The following ERC2 variants were observed in gnomAD, a reference collection of about 807,000 sequenced individuals.
ERC2 encodes the protein ERC protein 2.
Under a neutral mutation model 114.8 loss-of-function variants are expected in ERC2, and 42 were observed. The observed-to-expected ratio is 0.37, with a 90% CI of 0.29 to 0.47. The LOEUF (loss-of-function observed/expected upper bound fraction) is 0.47, where lower values mean the gene tolerates loss of function less well. Ranked by LOEUF, ERC2 falls within the 20% of genes least tolerant of loss-of-function variation. ERC2 has a pLI of 0.99. For synonymous variants in ERC2, 454 were observed against 425.5 expected, an observed-to-expected ratio of 1.07 and a Z score of -0.82; for missense variants, 939 against 1,150.7, an observed-to-expected ratio of 0.82 and a Z score of 2.66.
intron 13 of ERC2, among the ~76,000 whole-genome samples, chr3:55,927,852 T>C (rs953615091): frequency 1.1e-4 from 17 of 152,086 alleles, no homozygotes; most frequent in Admixed American, 4.6e-4. Flanking sequence ...AGTGAGAACA[T>C]GAGAAGTTGG....
chr3:55,952,175 ACACACTCTCTCT>A (rs1260373389), intron 12 of ERC2, among the ~76,000 whole-genome samples: 5,675 of 63,086 alleles, frequency 0.09, 454 homozygotes, highest in Admixed American at 0.2. Flanking sequence ...ACACACACAC[ACACACTCTCTCT>A]CTCTCTCTCT....
chr3:56,120,280 G>C (rs762409320), intron 6 of ERC2, among the ~76,000 whole-genome samples: 1 of 152,104 alleles, frequency 6.6e-6, no homozygotes, highest in East Asian at 1.9e-4. Flanking sequence ...GACAGTTCCC[G>C]CTCAGCCAGT....
At chr3:56,429,676 T>C (rs916149646) in intron 2 of ERC2, among the ~76,000 whole-genome samples, 7 of 152,312 alleles carry the variant, frequency 4.6e-5, no homozygotes, top group Non-Finnish European at 7.3e-5. Context: ...TATATTCATG[T>C]AGAGCCGCGT....
At chr3:55,715,149 T>C (rs1373449253) in intron 15 of ERC2, among the ~76,000 whole-genome samples, 1 of 152,172 alleles carries the variant, frequency 6.6e-6, no homozygotes, top group Non-Finnish European at 1.5e-5. Context: ...TTTAGCAAAC[T>C]GCAATGACAG....
At chr3:56,319,110 C>T (rs2057007703) in intron 2 of ERC2, among the ~76,000 whole-genome samples, 1 of 151,912 alleles carries the variant, frequency 6.6e-6, no homozygotes, top group Admixed American at 6.6e-5. Flanking sequence ...TATAGAATCG[C>T]CATATGATCC....
intron 14 of ERC2, among the ~76,000 whole-genome samples, chr3:55,843,059 T>C (rs1165863040): frequency 6.6e-6 from 1 of 152,172 alleles, no homozygotes; most frequent in African/African-American, 2.4e-5. Flanking sequence ...AGCTGGCCTG[T>C]GGTATACAAC....
At chr3:55,847,372 G>A (rs1275408840) in intron 14 of ERC2, among the ~76,000 whole-genome samples, 1 of 152,186 alleles carries the variant, frequency 6.6e-6, no homozygotes. Flanking sequence ...AAAATGTTTA[G>A]GAATGGACTA....
At chr3:55,697,208 A>T (rs2062977345) in intron 16 of ERC2, among the ~76,000 whole-genome samples, 1 of 152,086 alleles carries the variant, frequency 6.6e-6, no homozygotes, top group Admixed American at 6.6e-5. Context: ...TAGGTTAGGA[A>T]CTCGGAACAG....
chr3:55,929,613 G>C (rs576526195), intron 13 of ERC2, among the ~76,000 whole-genome samples: 2 of 152,304 alleles, frequency 1.3e-5, no homozygotes, highest in Admixed American at 1.3e-4. Context: ...ACAAAGGAAG[G>C]TGATATAATT....
rs578150401 is a variant in ERC2, at chr3:55,777,165, C to T, written c.2565-42247G>A. On this transcript the variant is annotated intron_variant, in intron 14 of 17. Transcript: ENST00000288221. ...GACAAATGGCCTTGCCAGGCAGAGG[C>T]ACCTGGCACCCTGTGGATCATACCT... is the stretch of plus-strand genomic sequence containing the variant. Among the ~76,000 whole-genome samples, 40 of 152,312 alleles carry T rather than the reference C, an allele frequency of 2.6e-4. 1 individual carries two copies. Among genetic ancestry groups the T allele is most frequent in the Middle Eastern group, 3.4e-3 (1 of 294 alleles).
chr3:55,710,851 A>G (rs2063741842), intron 15 of ERC2, among the ~76,000 whole-genome samples: 1 of 152,196 alleles, frequency 6.6e-6, no homozygotes, highest in Non-Finnish European at 1.5e-5. Context: ...CACATCTTCA[A>G]TTAGTGAATC....
intron 17 of ERC2, among the ~76,000 whole-genome samples, chr3:55,627,308 A>C (rs555526533): frequency 1.6e-3 from 245 of 152,180 alleles, no homozygotes; most frequent in Non-Finnish European, 2.8e-3. Context: ...TCTCTACAAA[A>C]ATACAAAATT....
intron 6 of ERC2, among the ~76,000 whole-genome samples, chr3:56,103,094 A>T (rs1194726793): frequency 6.6e-6 from 1 of 152,148 alleles, no homozygotes; most frequent in Non-Finnish European, 1.5e-5. Flanking sequence ...AGGATGAATT[A>T]GAGAGAGCTT....
At chr3:55,762,395 G>C (rs1375786520) in intron 14 of ERC2, among the ~76,000 whole-genome samples, 1 of 152,174 alleles carries the variant, frequency 6.6e-6, no homozygotes, top group African/African-American at 2.4e-5. Context: ...ACACTGCAAT[G>C]CACCTGATAT....
At chr3:55,582,183 C>A (rs372168933) in intron 17 of ERC2, among the ~76,000 whole-genome samples, 3 of 152,212 alleles carry the variant, frequency 2.0e-5, no homozygotes, top group African/African-American at 7.2e-5. Context: ...CCAGTAACAT[C>A]CTGCATGTAC....
chr3:56,396,211 GACATTC>G (rs1432709980), intron 2 of ERC2, among the ~76,000 whole-genome samples: 1 of 152,160 alleles, frequency 6.6e-6, no homozygotes, highest in Non-Finnish European at 1.5e-5. Context: ...TTATTCTTCA[GACATTC>G]TTGCTCAATT....
intron 17 of ERC2, among the ~76,000 whole-genome samples, chr3:55,552,953 TTTG>T (rs1334312929): frequency 6.6e-6 from 1 of 151,410 alleles, no homozygotes; most frequent in Non-Finnish European, 1.5e-5. Flanking sequence ...TTACTCTCAT[TTTG>T]TTTGGGTCTT....
chr3:56,050,960 A>C (rs2075734378), intron 7 of ERC2, among the ~76,000 whole-genome samples: 1 of 152,200 alleles, frequency 6.6e-6, no homozygotes, highest in African/African-American at 2.4e-5. Context: ...CTTCTAAAGT[A>C]GTAGTTATTA....
chr3:55,587,093 T>G (rs1376632571), intron 17 of ERC2, among the ~76,000 whole-genome samples: 1 of 152,248 alleles, frequency 6.6e-6, no homozygotes, highest in African/African-American at 2.4e-5. Context: ...TAAACAAATG[T>G]TATCATACTG....
Sources: gnomAD v4.1 joint callset for allele counts (sites outside exome capture counted in the v4.1 genomes callset) on GRCh38, gnomAD v4.1.1 for gene constraint, MANE v1.5 for transcripts, NCBI Gene and HGNC (gene_info 2026-07-23, HGNC 2026-07-21) for gene names.